The following ELN variants were observed in gnomAD, a reference collection of about 807,000 sequenced individuals.
ELN encodes tropoelastin.
ELN carries 65 observed loss-of-function variants against 105.8 expected under a neutral mutation model. The ratio of observed to expected loss-of-function variants is 0.61; its 90% CI spans 0.50 to 0.75. The LOEUF (loss-of-function observed/expected upper bound fraction) is 0.75. ELN is among the 30% of genes least tolerant of loss of function. The probability of loss-of-function intolerance (pLI) is 0.00; values close to 1 mark genes in which losing one functional copy is unlikely to be tolerated. For missense variants in ELN, 882 were observed against 969.4 expected, an observed-to-expected ratio of 0.91 and a Z score of 1.20; for synonymous variants, 368 against 389.2, an observed-to-expected ratio of 0.95 and a Z score of 0.64.
chr7:74,036,538 T>C lies in ELN; in HGVS notation c.134-17T>C. On this transcript the variant is annotated splice_polypyrimidine_tract_variant and intron_variant, in intron 2 of 32. Transcript: ENST00000252034. ...GAAGTACCGATGATCTCTCTTTCTCTTTCTCTCCCCCCACAGGGGCTGGTC... is the reference window on the plus strand; with the variant it reads ...GAAGTACCGATGATCTCTCTTTCTCCTTCTCTCCCCCCACAGGGGCTGGTC... The C allele has an allele frequency of 6.2e-7, 1 of 1,613,908 alleles. No individual in the cohort carries two copies. The highest frequency in any genetic ancestry group is 8.5e-7 in the Non-Finnish European group (1 of 1,179,994).
intron 13 of ELN, 98 bp downstream of exon 13, chr7:74,047,814 C>G: frequency 6.5e-7 from 1 of 1,548,710 alleles, no homozygotes; most frequent in Admixed American, 1.7e-5. Flanking sequence ...AGGAGAGCAC[C>G]TCGCTGGGGC....
intron 17 of ELN, 51 bp downstream of exon 17, chr7:74,052,034 C>A: frequency 6.2e-7 from 1 of 1,604,434 alleles, no homozygotes; most frequent in Non-Finnish European, 8.5e-7. Context: ...CTGCATAGAC[C>A]TCGGAGACCC....
intron 25 of ELN, among the ~76,000 whole-genome samples, chr7:74,060,824 G>T (rs572070261): frequency 3.7e-4 from 56 of 152,306 alleles, no homozygotes; most frequent in African/African-American, 1.3e-3. Context: ...CTGTGGCCAG[G>T]GGACCACTAG....
At chr7:74,052,017 C>G (rs782303154) in intron 17 of ELN, 34 bp downstream of exon 17, 2 of 1,611,294 alleles carry the variant, frequency 1.2e-6, no homozygotes, top group African/African-American at 2.7e-5. Flanking sequence ...GTCCACGGCT[C>G]GGGCCCCTGC....
chr7:74,045,396 C>T, intron 10 of ELN, 103 bp downstream of exon 10: 3 of 1,317,040 alleles, frequency 2.3e-6, no homozygotes, highest in Non-Finnish European at 3.2e-6. Flanking sequence ...TCAGGGCCCT[C>T]TGGGTGACAC....
At chr7:74,037,050 A>T (rs1790128960) in intron 3 of ELN, among the ~76,000 whole-genome samples, 1 of 151,462 alleles carries the variant, frequency 6.6e-6, no homozygotes, top group Non-Finnish European at 1.5e-5. Flanking sequence ...CGAACTCCCA[A>T]CTTCAAGTGA....
chr7:74,034,299 C>T (rs1021570320), intron 1 of ELN, among the ~76,000 whole-genome samples: 6 of 152,248 alleles, frequency 3.9e-5, no homozygotes, highest in African/African-American at 4.8e-5. Flanking sequence ...GGCCTCTACC[C>T]GGCAGCTCAG....
At chr7:74,043,361 C>A in intron 8 of ELN, 193 bp downstream of exon 8, 1 of 860,576 alleles carries the variant, frequency 1.2e-6, no homozygotes, top group Non-Finnish European at 1.9e-6. Flanking sequence ...ACTTCCCGGG[C>A]CCTTCTCCCG....
At chr7:74,052,441 T>TTAAAAA (rs1554676699) in intron 17 of ELN, 4 of 218,270 alleles carry the variant, frequency 1.8e-5, no homozygotes, top group African/African-American at 9.1e-5. Context: ...AAAAATTATC[T>TTAAAAA]AGGCATGGTG....
intron 25 of ELN, chr7:74,060,744 C>A: frequency 8.9e-7 from 1 of 1,122,572 alleles, no homozygotes; most frequent in Non-Finnish European, 1.2e-6. Context: ...GGGCTCCAGA[C>A]TGAGAAAAAG....
Position 74,061,121 on chromosome 7 carries a change from G to T in ELN, c.1768G>T (p.Ala590Ser). 6.2e-7 allele frequency: 1 copy of T among 1,614,076 alleles called. No homozygotes were observed. The highest frequency in any genetic ancestry group is 2.2e-5 in the East Asian group (1 of 44,890). ...CCCAGTACCTGGAGCCCTGGCTGCC[G>T]CTAAAGCAGCCAAATATGGTGAGTG... ...FGAVPGALAA[A>S]KAAKYGAAVP... is the part of the protein sequence containing the mutation. The change falls in exon 26 of 33, where the codon GCT becomes TCT. Residue 590 changes from alanine to serine, a missense_variant. Ala to Ser is a moderately conservative substitution (Grantham distance 99). Coordinates refer to ENST00000252034, the MANE Select transcript of ELN (RefSeq NM_000501.4).
chr7:74,044,789 G>A (rs552441037), intron 9 of ELN, among the ~76,000 whole-genome samples: 82 of 152,362 alleles, frequency 5.4e-4, no homozygotes, highest in Middle Eastern at 3.4e-3. Flanking sequence ...GGTGGAAGAC[G>A]CTGGCATGGT....
At chr7:74,058,637 T>C (rs577841672) in intron 22 of ELN, among the ~76,000 whole-genome samples, 256 of 152,334 alleles carry the variant, frequency 1.7e-3, no homozygotes, top group African/African-American at 5.9e-3. Context: ...ATTACAGGCG[T>C]GAGCCACCAC....
Position 74,063,627 on chromosome 7 carries a change from T to C in ELN, c.1925T>C (p.Val642Ala). Residue 642 changes from valine to alanine, a missense_variant, in exon 29 of 33, where the codon GTG becomes GCG. Transcript: ENST00000252034. This position sits in a 1 kb window ranked among gnomAD's most constrained non-coding sequence, Gnocchi z 4.1. Reference sequence around the variant, plus strand: ...TGCTCAGCTGTCTCCACAGGCCTAGTGGGAGCCGCTGGGCTCGGAGGACTC... The same window carrying C: ...TGCTCAGCTGTCTCCACAGGCCTAGCGGGAGCCGCTGGGCTCGGAGGACTC... The part of the protein sequence containing the change: ...AAAKAAQFGL[V>A]GAAGLGGLGV... The C allele has an allele frequency of 1.2e-6, 2 of 1,614,152 alleles. No homozygotes were observed. The highest frequency in any genetic ancestry group is 1.7e-6 in the Non-Finnish European group (2 of 1,180,022).
chr7:74,037,833 C>T, intron 4 of ELN, 94 bp downstream of exon 4: 3 of 1,547,072 alleles, frequency 1.9e-6, no homozygotes, highest in South Asian at 2.4e-5. Flanking sequence ...AAACTAGGAA[C>T]AGGACAAGGA....
intron 29 of ELN, among the ~76,000 whole-genome samples, chr7:74,064,184 T>C (rs560419520): frequency 4.1e-4 from 62 of 151,474 alleles, no homozygotes; most frequent in Admixed American, 1.3e-3. Flanking sequence ...TTTGGGAGGC[T>C]GAGGTGGGCA....
In ELN at chr7:74,051,958, A is replaced by T. The variant is rs539451717; in HGVS notation, c.924A>T (p.Ala308=). The T allele has an allele frequency of 3.4e-4, 555 of 1,612,140 alleles. 16 individuals carry two copies. The South Asian group carries it at 6.0e-3, about 17-fold the overall frequency. The part of the protein sequence containing the change: ...VGTPAAAAAA[A]AAAKAAKYGA... Reference sequence around the variant, plus strand: ...CTCCAGCTGCAGCTGCAGCTGCAGCAGCAGCCGCTAAGGCAGCCAAGTATG... The same window carrying T: ...CTCCAGCTGCAGCTGCAGCTGCAGCTGCAGCCGCTAAGGCAGCCAAGTATG... The change falls in exon 17 of 33, where the codon GCA becomes GCT. Residue 308 remains alanine (A), a synonymous_variant. Coordinates refer to ENST00000252034, the MANE Select transcript of ELN (RefSeq NM_000501.4).
At chr7:74,041,396 C>A in intron 5 of ELN, 145 bp downstream of exon 5, 2 of 1,014,200 alleles carry the variant, frequency 2.0e-6, no homozygotes, top group Non-Finnish European at 3.0e-6. Context: ...CTGATACCAA[C>A]TGCCCCAAGC....
chr7:74,059,477 T>G, intron 22 of ELN: 2 of 289,466 alleles, frequency 6.9e-6, no homozygotes, highest in Non-Finnish European at 1.3e-5. Context: ...AGGTCAGGAG[T>G]TTAAGACCAG....
Sources: gnomAD v4.1 joint callset for allele counts (sites outside exome capture counted in the v4.1 genomes callset) on GRCh38, gnomAD v4.1.1 for gene constraint, Gnocchi (gnomAD v3.1) non-coding constraint, MANE v1.5 for transcripts, NCBI Gene and HGNC (gene_info 2026-07-23, HGNC 2026-07-21) for gene names.